Variants in RARB observed in about 807,000 individuals in gnomAD.
RARB encodes the protein retinoic acid receptor beta.
RARB carries 17 observed loss-of-function variants against 51.9 expected under a neutral mutation model. The ratio of observed to expected loss-of-function variants is 0.33; its 90% CI spans 0.22 to 0.49. The LOEUF (loss-of-function observed/expected upper bound fraction) is 0.49. RARB is among the 20% of genes least tolerant of loss of function. The probability of loss-of-function intolerance (pLI) is 0.99; values close to 1 mark genes in which losing one functional copy is unlikely to be tolerated. For missense variants in RARB, 369 were observed against 550.8 expected (o/e 0.67, Z 3.30); for synonymous variants, 215 against 195.4 (o/e 1.10, Z -0.84).
intron 2 of RARB, among the ~76,000 whole-genome samples, chr3:25,488,425 T>A (rs954002077): frequency 1.3e-5 from 2 of 152,138 alleles, no homozygotes. Flanking sequence ...AAATAAACAC[T>A]CCCTCCTAAG....
At chr3:25,494,253 G>GCACGCGCGCGCGCGCGCACACACACACA (rs1553623182) in intron 2 of RARB, among the ~76,000 whole-genome samples, 4 of 131,850 alleles carry the variant, frequency 3.0e-5, no homozygotes, top group African/African-American at 7.8e-5. Flanking sequence ...TGTATCTTAC[G>GCACGCGCGCGCGCGCGCACACACACACA]CACACACACA....
intron 4 of RARB, among the ~76,000 whole-genome samples, chr3:25,574,753 A>G (rs950472153): frequency 3.3e-5 from 5 of 152,234 alleles, no homozygotes; most frequent in Admixed American, 6.5e-5. Flanking sequence ...TCCAGGAGAC[A>G]TACCATAGAA....
At chr3:24,976,311 T>C (rs1211840005) in intron 2 of RARB, among the ~76,000 whole-genome samples, 2 of 152,212 alleles carry the variant, frequency 1.3e-5, no homozygotes, top group African/African-American at 2.4e-5. Flanking sequence ...GGTCAAATGA[T>C]ATTACTAGTT....
At chr3:25,240,673 G>A (rs1702410700) in intron 5 of RARB, among the ~76,000 whole-genome samples, 1 of 152,178 alleles carries the variant, frequency 6.6e-6, no homozygotes, top group Non-Finnish European at 1.5e-5. Flanking sequence ...ACATCCCTGA[G>A]ATGAACCCCA....
chr3:24,995,231 G>GTT (rs58230981), intron 2 of RARB, among the ~76,000 whole-genome samples: 542 of 150,102 alleles, frequency 3.6e-3, no homozygotes, highest in African/African-American at 8.5e-3. Context: ...ATTTCCAGGT[G>GTT]TTTTTTTTTA....
At chr3:25,135,174 T>C (rs1700013510) in intron 4 of RARB, among the ~76,000 whole-genome samples, 1 of 151,762 alleles carries the variant, frequency 6.6e-6, no homozygotes, top group Non-Finnish European at 1.5e-5. Context: ...ATCGATAGAG[T>C]AGCCACTAGC....
intron 2 of RARB, among the ~76,000 whole-genome samples, chr3:24,899,028 G>T (rs1043399975): frequency 6.6e-6 from 1 of 152,134 alleles, no homozygotes; most frequent in Non-Finnish European, 1.5e-5. Flanking sequence ...AGTGTGGTCC[G>T]CAGACCAGCA....
intron 2 of RARB, among the ~76,000 whole-genome samples, chr3:25,469,173 G>A (rs1695579633): frequency 6.6e-6 from 1 of 152,188 alleles, no homozygotes; most frequent in Non-Finnish European, 1.5e-5. Flanking sequence ...TGCTGGGCTG[G>A]GTTTTCCTGG....
chr3:25,586,599 C>T (rs1701400741), intron 5 of RARB, among the ~76,000 whole-genome samples: 1 of 152,214 alleles, frequency 6.6e-6, no homozygotes, highest in Admixed American at 6.5e-5. Context: ...GCCCTTACTG[C>T]CCCCAAGGAA....
At chr3:24,962,084 C>T (rs1487570104) in intron 2 of RARB, among the ~76,000 whole-genome samples, 3 of 151,968 alleles carry the variant, frequency 2.0e-5, no homozygotes, top group Non-Finnish European at 2.9e-5. Flanking sequence ...TGCCCGCCAC[C>T]ACACCTGGCT....
In RARB at chr3:25,428,390, C is replaced by G. The variant is rs887792872; in HGVS notation, c.-342C>G. ...ATGCCGAGAACGCGAGCGATCCGAGCAGGGTTTGTCTGGGCACCGTCGGGG... is the reference window on the plus strand; with the variant it reads ...ATGCCGAGAACGCGAGCGATCCGAGGAGGGTTTGTCTGGGCACCGTCGGGG... On this transcript the variant is annotated 5_prime_UTR_variant, in exon 1 of 8. Coordinates refer to ENST00000330688, the MANE Select transcript of RARB (RefSeq NM_000965.5). The G allele has an allele frequency of 1.3e-5, 16 of 1,256,530 alleles. No individual in the cohort carries two copies. Among genetic ancestry groups the G allele is most frequent in the African/African-American group, 1.5e-5 (1 of 65,094 alleles). The allele number at this position is 1,256,530 out of a possible 1,614,324, so 77.8% of individuals were successfully genotyped here.
intron 5 of RARB, among the ~76,000 whole-genome samples, chr3:25,216,171 A>G (rs1575227146): frequency 6.6e-6 from 1 of 152,160 alleles, no homozygotes; most frequent in Non-Finnish European, 1.5e-5. Flanking sequence ...GCTAGATGTT[A>G]CCAGACAGCC....
At chr3:25,012,547 G>C (rs1264789561) in intron 2 of RARB, among the ~76,000 whole-genome samples, 3 of 152,098 alleles carry the variant, frequency 2.0e-5, no homozygotes, top group African/African-American at 7.2e-5. Context: ...ACTGATTTCA[G>C]TTTTACCGTC....
In RARB at chr3:25,088,671, A is replaced by C. The variant is rs185191578; in HGVS notation, c.-328+28495A>C. ...GGCTTATCAAAAGAATAGATGTTAA[A>C]GCTAATGTATTCATTGTGAGGCATT... On this transcript the variant is annotated intron_variant, in intron 3 of 11. Coordinates refer to the RARB transcript ENST00000383772. 4.3e-4 allele frequency among the ~76,000 whole-genome samples: 66 copies of C among 152,294 alleles called. 1 individual carries two copies. The highest frequency in any genetic ancestry group is 1.7e-3 in the Admixed American group (26 of 15,282).
intron 2 of RARB, among the ~76,000 whole-genome samples, chr3:24,903,203 C>A (rs1054782231): frequency 5.3e-5 from 8 of 151,874 alleles, no homozygotes; most frequent in Admixed American, 2.0e-4. Flanking sequence ...TTATCTCTTA[C>A]AATAGGACAG....
At chr3:24,958,605 TG>T (rs1321731181) in intron 2 of RARB, among the ~76,000 whole-genome samples, 2 of 152,184 alleles carry the variant, frequency 1.3e-5, no homozygotes, top group African/African-American at 4.8e-5. Flanking sequence ...AGCGCTAGTT[TG>T]CACATAATGA....
chr3:25,428,607 A>G lies in RARB; in HGVS notation c.-125A>G. On this transcript the variant is annotated 5_prime_UTR_variant, in exon 1 of 8. Coordinates refer to ENST00000330688, the MANE Select transcript of RARB (RefSeq NM_000965.5). ...TAATTCATGATTCGGGGCTGGGAAA[A>G]AGACCAACAGCCTACGTGCCAAAAA... The G allele has an allele frequency of 1.4e-6, 2 of 1,412,594 alleles. No individual in the cohort carries two copies. Among genetic ancestry groups the G allele is most frequent in the Middle Eastern group, 2.6e-4 (1 of 3,848 alleles). 87.5% of individuals were successfully genotyped at this position (1,412,594 alleles called of 1,614,324 possible).
chr3:25,546,723 A>G (rs1699634865), intron 3 of RARB, among the ~76,000 whole-genome samples: 1 of 152,156 alleles, frequency 6.6e-6, no homozygotes, highest in Non-Finnish European at 1.5e-5. Flanking sequence ...AGAAGACTCG[A>G]AGGAGGTGAG....
chr3:25,337,429 C>A (rs1705096038), intron 5 of RARB, among the ~76,000 whole-genome samples: 1 of 152,152 alleles, frequency 6.6e-6, no homozygotes, highest in Non-Finnish European at 1.5e-5. Context: ...TGTCAGAAGA[C>A]CTCATCTTAC....
Sources: gnomAD v4.1 joint callset for allele counts (sites outside exome capture counted in the v4.1 genomes callset) on GRCh38, gnomAD v4.1.1 for gene constraint, MANE v1.5 for transcripts, NCBI Gene and HGNC (gene_info 2026-07-23, HGNC 2026-07-21) for gene names.